VLDLR: variants seen among roughly 807,000 people sequenced by gnomAD.
VLDLR encodes very low density lipoprotein receptor.
Under a neutral mutation model 112.7 loss-of-function variants are expected in VLDLR, and 81 were observed. The ratio of observed to expected loss-of-function variants is 0.72; its 90% CI spans 0.60 to 0.86. The LOEUF (loss-of-function observed/expected upper bound fraction) is 0.86, where lower values mean the gene tolerates loss of function less well. Ranked by LOEUF, VLDLR falls within the 40% of genes least tolerant of loss-of-function variation. VLDLR has a pLI of 0.00. For missense variants in VLDLR, 1,237 were observed against 1,099.4 expected, an observed-to-expected ratio of 1.13 and a Z score of -1.77; for synonymous variants, 436 against 384.8, an observed-to-expected ratio of 1.13 and a Z score of -1.56.
intron 12 of VLDLR, chr9:2,647,809 T>C: frequency 1.6e-6 from 1 of 632,464 alleles, no homozygotes. Flanking sequence ...CTGGGCCTAA[T>C]ATGTGACACA....
chr9:2,654,051 C>A lies in VLDLR; in HGVS notation c.*183C>A. ...TATTACTTTTGTAAATATTCTTGTC[C>A]ACATTCTACTTCAGCTTTGGATGTG... is the stretch of plus-strand genomic sequence containing the variant. On this transcript the variant is annotated 3_prime_UTR_variant, in exon 19 of 19. Coordinates refer to ENST00000382100, the MANE Select transcript of VLDLR (RefSeq NM_003383.5). 1 of 617,374 alleles carries A rather than the reference C, an allele frequency of 1.6e-6. No individual in the cohort carries two copies. Among genetic ancestry groups the A allele is most frequent in the Non-Finnish European group, 2.9e-6 (1 of 349,792 alleles). The allele number at this position is 617,374 out of a possible 1,614,324, so 38.2% of individuals were successfully genotyped here. A position where few individuals can be genotyped will look rare whatever the true frequency, so the allele number is the denominator to read the frequency against.
Position 2,659,562 on chromosome 9 carries a change from T to C in VLDLR, c.*5694T>C, listed in dbSNP as rs376966707. 2.8e-4 allele frequency: 42 copies of C among 152,362 alleles called. No individual in the cohort carries two copies. The East Asian group carries it at 7.1e-3, about 26-fold the overall frequency. 9.4% of individuals were successfully genotyped at this position (152,362 alleles called of 1,614,324 possible). ...ATGATAAAGATTCCCTAAAGGAATT[T>C]ATAAGCAGGCAACTTCATTCCTATG... On this transcript the variant is annotated 3_prime_UTR_variant, in exon 19 of 19. Transcript: ENST00000382100.
chr9:2,650,474 C>G lies in VLDLR; in HGVS notation c.2209C>G (p.Pro737Ala), dbSNP rs138053412. ...CTCTCCAAAATATACCTGTTCCTGT[C>G]CCAGTGGGTACAATGTAGAGGAAAA... ...DHSPKYTCSCPSGYNVEENGR... is the reference protein window; with the variant it reads ...DHSPKYTCSCASGYNVEENGR... Residue 737 changes from proline (P) to alanine (A), a missense_variant, in exon 15 of 19, where the codon CCC becomes GCC. By Grantham distance (27) the Pro-to-Ala change is conservative (BLOSUM62 -1). Coordinates refer to ENST00000382100, the MANE Select transcript of VLDLR (RefSeq NM_003383.5). The G allele has an allele frequency of 5.6e-6, 9 of 1,613,882 alleles. No individual in the cohort carries two copies. Among genetic ancestry groups the G allele is most frequent in the Non-Finnish European group, 6.8e-6 (8 of 1,180,012 alleles).
At chr9:2,644,101 A>G in intron 7 of VLDLR, 142 bp downstream of exon 7, 1 of 1,211,132 alleles carries the variant, frequency 8.3e-7, no homozygotes. Flanking sequence ...GTGAAACTTT[A>G]TGACTTAAAA....
At chr9:2,651,302 G>T in intron 15 of VLDLR, 113 bp from the exon 16 acceptor site, 1 of 836,836 alleles carries the variant, frequency 1.2e-6, no homozygotes, top group Non-Finnish European at 2.0e-6. Flanking sequence ...TTCAGCAGTG[G>T]TTTGTCTATT....
chr9:2,622,436 G>T (rs887754151), intron 1 of VLDLR, 165 bp downstream of exon 1: 20 of 599,154 alleles, frequency 3.3e-5, no homozygotes, highest in Non-Finnish European at 5.1e-5. Context: ...AGCTGTCAGC[G>T]CCGAGGCTAA....
rs1292956335 is a variant in VLDLR, at chr9:2,622,234, G to A, written c.45G>A (p.Leu15=). 4 of 1,502,420 alleles carry A rather than the reference G, an allele frequency of 2.7e-6. No homozygotes were observed. Among genetic ancestry groups the A allele is most frequent in the Non-Finnish European group, 3.5e-6 (4 of 1,132,452 alleles). The allele number at this position is 1,502,420 out of a possible 1,614,324, so 93.1% of individuals were successfully genotyped here. ...ALWALWLLLA[L]CWAPRESGAT... ...GGGCGCTCTGGCTGCTGCTCGCGCT[G>A]TGCTGGGCGCCCCGGGAGAGCGGCG... The change falls in exon 1 of 19, where the codon CTG becomes CTA. Residue 15 remains leucine (L), a synonymous_variant. Coordinates refer to ENST00000382100, the MANE Select transcript of VLDLR (RefSeq NM_003383.5).
chr9:2,652,593 G>A (rs1818402463), intron 17 of VLDLR, among the ~76,000 whole-genome samples, 187 bp from the exon 18 acceptor site: 1 of 152,194 alleles, frequency 6.6e-6, no homozygotes, highest in Non-Finnish European at 1.5e-5. Flanking sequence ...AGTGCACAGA[G>A]CTACCTCTGG....
At position 2,647,545 on chromosome 9, in the gene VLDLR, G is replaced by A. The variant is rs987993115; in HGVS notation, c.1775G>A (p.Arg592His). The A allele has an allele frequency of 1.9e-5, 30 of 1,614,022 alleles. No individual in the cohort carries two copies. Among genetic ancestry groups the A allele is most frequent in the Admixed American group, 3.3e-5 (2 of 60,002 alleles). Residue 592 changes from arginine (R) to histidine (H), a missense_variant, in exon 12 of 19, where the codon CGT becomes CAT. Coordinates refer to ENST00000382100, the MANE Select transcript of VLDLR (RefSeq NM_003383.5). ...GCAGGAATGAATGGATTCGATAGAC[G>A]TCCACTGGTGACAGCGGATATCCAG... ...EKAGMNGFDR[R>H]PLVTADIQWP...
At position 2,655,330 on chromosome 9, in the gene VLDLR, A is replaced by G. The variant is rs1022671624; in HGVS notation, c.*1462A>G. ...TGAATTTTCCATCAGGTTGGCCATT[A>G]CTTTCTTTCTCTAAAGTCTCAGGAT... On this transcript the variant is annotated 3_prime_UTR_variant, in exon 19 of 19. Coordinates refer to ENST00000382100, the MANE Select transcript of VLDLR (RefSeq NM_003383.5). The G allele has an allele frequency of 6.6e-6, 1 of 152,168 alleles. No homozygotes were observed. Among genetic ancestry groups the G allele is most frequent in the Non-Finnish European group, 1.5e-5 (1 of 68,038 alleles). 9.4% of individuals were successfully genotyped at this position (152,168 alleles called of 1,614,324 possible).
rs1586667076 is a variant in VLDLR at position 2,658,569 on chromosome 9, T to G, written c.*4701T>G. On this transcript the variant is annotated 3_prime_UTR_variant, in exon 19 of 19. Coordinates refer to ENST00000382100, the MANE Select transcript of VLDLR (RefSeq NM_003383.5). ...GCAGCAGGCAATGTAGTTAACAGCA[T>G]AGACTTCCGTGTCTTGTGTGTGGTA... 6.6e-6 allele frequency: 1 copy of G among 152,310 alleles called. No individual in the cohort carries two copies. Among genetic ancestry groups the G allele is most frequent in the Middle Eastern group, 3.4e-3 (1 of 294 alleles). The allele number at this position is 152,310 out of a possible 1,614,324, so 9.4% of individuals were successfully genotyped here. A position where few individuals can be genotyped will look rare whatever the true frequency, so the allele number is the denominator to read the frequency against.
Position 2,635,560 on chromosome 9 carries a change from G to A in VLDLR, c.190G>A (p.Glu64Lys). Residue 64 changes from glutamate to lysine, a missense_variant, in exon 2 of 19, where the codon GAA becomes AAA. Glu to Lys is a moderately conservative substitution (Grantham distance 56). Coordinates refer to ENST00000382100, the MANE Select transcript of VLDLR (RefSeq NM_003383.5). ...TGAAGACTGTGTTGACGGCAGTGAT[G>A]AAAAGAACTGTGGTAAGTAAAGAGT... ...GDEDCVDGSD[E>K]KNCVKKTCAE... 8 of 1,614,082 alleles carry A rather than the reference G, an allele frequency of 5.0e-6. No individual in the cohort carries two copies. Among genetic ancestry groups the A allele is most frequent in the Non-Finnish European group, 6.8e-6 (8 of 1,179,958 alleles).
chr9:2,643,859 A>C lies in VLDLR; in HGVS notation c.966A>C (p.Gly322=). The C allele has an allele frequency of 1.9e-6, 3 of 1,614,226 alleles. 1 individual carries two copies. The South Asian group carries it at 3.3e-5, about 18-fold the overall frequency. The change falls in exon 7 of 19, where the codon GGA becomes GGC. Residue 322 remains glycine, a synonymous_variant. Coordinates refer to ENST00000382100, the MANE Select transcript of VLDLR (RefSeq NM_003383.5). ...CKNVNQCLGP[G]KFKCRSGECI... ...TAGTCAATCAGTGCTTGGGCCCTGG[A>C]AAATTCAAGTGCAGAAGTGGAGAAT...
Position 2,651,406 on chromosome 9 carries a change from A to G in VLDLR, c.2252-9A>G, listed in dbSNP as rs1586659958. ...GGCATTAACCAGGTTCTTGGTTTTT[A>G]TAATTCAGGTACTGCAACTACTGTG... On this transcript the variant is annotated splice_polypyrimidine_tract_variant and intron_variant, in intron 15 of 18. Transcript: ENST00000382100. 1.9e-6 allele frequency: 3 copies of G among 1,613,384 alleles called. No individual in the cohort carries two copies. The highest frequency in any genetic ancestry group is 2.5e-6 in the Non-Finnish European group (3 of 1,179,492).
At chr9:2,625,067 A>G (rs1817030661) in intron 1 of VLDLR, among the ~76,000 whole-genome samples, 3 of 152,248 alleles carry the variant, frequency 2.0e-5, no homozygotes, top group African/African-American at 7.2e-5. Flanking sequence ...AACACTAAAC[A>G]TTGCTAGCAA....
intron 1 of VLDLR, among the ~76,000 whole-genome samples, chr9:2,633,806 C>T (rs1439839420): frequency 6.6e-6 from 1 of 152,122 alleles, no homozygotes; most frequent in Non-Finnish European, 1.5e-5. Context: ...CACGTACCCT[C>T]AGCATTGAGA....
Position 2,622,091 on chromosome 9 carries a change from C to A in VLDLR, c.-99C>A. ...CCTCCTTCTCCCCCTTTCCCCTCCC[C>A]GCCCCCACCTTCTTCCTCCTTTCGG... On this transcript the variant is annotated 5_prime_UTR_variant, in exon 1 of 19. Coordinates refer to ENST00000382100, the MANE Select transcript of VLDLR (RefSeq NM_003383.5). The A allele has an allele frequency of 8.1e-7, 1 of 1,239,170 alleles. No homozygotes were observed. 76.8% of individuals were successfully genotyped at this position (1,239,170 alleles called of 1,614,324 possible). A position where few individuals can be genotyped will look rare whatever the true frequency, so the allele number is the denominator to read the frequency against.
intron 1 of VLDLR, among the ~76,000 whole-genome samples, chr9:2,622,924 C>G (rs950578889): frequency 6.6e-6 from 1 of 152,046 alleles, no homozygotes; most frequent in Non-Finnish European, 1.5e-5. Flanking sequence ...TTACGCAGGA[C>G]TCTGCTCTGG....
chr9:2,636,993 T>C (rs1344538309), intron 2 of VLDLR, among the ~76,000 whole-genome samples: 1 of 152,190 alleles, frequency 6.6e-6, no homozygotes, highest in Non-Finnish European at 1.5e-5. Flanking sequence ...AAAATAGTCT[T>C]GTATAAGTAC....
Sources: allele counts gnomAD v4.1 joint callset (sites outside exome capture counted in the v4.1 genomes callset), GRCh38; gene constraint gnomAD v4.1.1; transcripts MANE v1.5; gene names NCBI Gene and HGNC (gene_info 2026-07-23, HGNC 2026-07-21).